ARHGAP29: variants seen among roughly 807,000 people sequenced by gnomAD.
ARHGAP29 encodes the protein rho GTPase-activating protein 29.
A neutral mutation model predicts 122.6 loss-of-function variants in ARHGAP29; 43 were observed. That is an observed-to-expected ratio of 0.35 (90% CI 0.27 to 0.45). ARHGAP29 has a LOEUF of 0.45. Among genes scored for constraint, ARHGAP29 ranks in the 20% least tolerant of loss-of-function variants. The pLI is 1.00. For synonymous variants in ARHGAP29, 506 were observed against 497.1 expected, an observed-to-expected ratio of 1.02 and a Z score of -0.24; for missense variants, 1,303 against 1,477.2, an observed-to-expected ratio of 0.88 and a Z score of 1.93.
chr1:94,249,577 C>T (rs1653998654), intron 1 of ARHGAP29: 1 of 152,066 alleles, frequency 6.6e-6, no homozygotes, highest in South Asian at 2.1e-4. Context: ...ATGGAGAAAC[C>T]CCATCTCTAG....
the ARHGAP29 span, among the ~76,000 whole-genome samples, chr1:94,306,883 C>T: frequency 2.0e-5 from 3 of 152,158 alleles, no homozygotes; most frequent in Non-Finnish European, 4.4e-5. Flanking sequence ...TATATACACA[C>T]AAGATAAATT....
the ARHGAP29 span, among the ~76,000 whole-genome samples, chr1:94,304,665 C>G: frequency 1.3e-5 from 2 of 152,234 alleles, no homozygotes; most frequent in Non-Finnish European, 2.9e-5. Context: ...AAATTTCCCT[C>G]AATGCCAGGT....
chr1:94,300,217 A>G, the ARHGAP29 span, among the ~76,000 whole-genome samples: 3 of 152,054 alleles, frequency 2.0e-5, no homozygotes, highest in Non-Finnish European at 2.9e-5. Flanking sequence ...TTCCTTAACT[A>G]TTTCTTGAAT....
Position 94,202,706 on chromosome 1 carries a change from C to G in ARHGAP29, c.981G>C (p.Lys327Asn). Residue 327 changes from lysine (K) to asparagine (N), a missense_variant, in exon 11 of 23, where the codon AAG becomes AAC. By Grantham distance (94) the Lys-to-Asn change is moderately conservative. This residue lies in a region of ARHGAP29 where 592 missense variants were observed against 648.2 expected (regional missense o/e 0.91). Transcript: ENST00000260526. ...KMLEAENALK[K>N]AKLLCMQRQD... ...GACGTTGCATGCATAATAATTTTGC[C>G]TTTTTGAGAGCATTCTCTGCTTCAA... 1 of 1,613,674 alleles carries G rather than the reference C, an allele frequency of 6.2e-7. No homozygotes were observed. Among genetic ancestry groups the G allele is most frequent in the Non-Finnish European group, 8.5e-7 (1 of 1,179,976 alleles).
chr1:94,264,089 C>T (rs1044986304), intron 1 of ARHGAP29, among the ~76,000 whole-genome samples: 6 of 152,142 alleles, frequency 3.9e-5, no homozygotes, highest in East Asian at 1.9e-4. Flanking sequence ...TATAACTCTT[C>T]GTACGTAATG....
chr1:94,198,226 A>T (rs1650593822), intron 12 of ARHGAP29, among the ~76,000 whole-genome samples: 1 of 152,170 alleles, frequency 6.6e-6, no homozygotes, highest in African/African-American at 2.4e-5. Flanking sequence ...CTGTAATCTC[A>T]GCACTCTGGG....
intron 12 of ARHGAP29, among the ~76,000 whole-genome samples, chr1:94,196,779 A>G (rs936303507): frequency 2.6e-5 from 4 of 152,214 alleles, no homozygotes; most frequent in Non-Finnish European, 5.9e-5. Context: ...AGACTTCTAC[A>G]TTATCCACAG....
intron 1 of ARHGAP29, among the ~76,000 whole-genome samples, chr1:94,273,585 T>C (rs1159878616): frequency 6.6e-6 from 1 of 152,186 alleles, no homozygotes; most frequent in Non-Finnish European, 1.5e-5. Flanking sequence ...TGAAATAATA[T>C]GTAAGATAGA....
chr1:94,183,837 A>T (rs1415949127), intron 19 of ARHGAP29, among the ~76,000 whole-genome samples: 3 of 152,308 alleles, frequency 2.0e-5, no homozygotes, highest in Non-Finnish European at 4.4e-5. Flanking sequence ...GAGAAGAGAG[A>T]GAGTTATGAT....
chr1:94,286,113 G>A, the ARHGAP29 span, among the ~76,000 whole-genome samples: 5 of 152,146 alleles, frequency 3.3e-5, no homozygotes, highest in African/African-American at 1.2e-4. Context: ...TTACATTAGA[G>A]TGCCAGCATG....
At chr1:94,175,417 A>G (rs1649028498) in intron 22 of ARHGAP29, among the ~76,000 whole-genome samples, 1 of 152,160 alleles carries the variant, frequency 6.6e-6, no homozygotes, top group South Asian at 2.1e-4. Context: ...AAAAATTCCA[A>G]TTCCAGGAAT....
chr1:94,308,796 G>A, the ARHGAP29 span, among the ~76,000 whole-genome samples: 1 of 152,146 alleles, frequency 6.6e-6, no homozygotes, highest in Non-Finnish European at 1.5e-5. Flanking sequence ...GCATTTATGT[G>A]TATGTAACCC....
intron 16 of ARHGAP29, 135 bp from the exon 17 acceptor site, chr1:94,185,616 T>A: frequency 1.3e-6 from 1 of 742,950 alleles, no homozygotes; most frequent in Non-Finnish European, 1.9e-6. Context: ...AATATCAAAA[T>A]AGCTAGTTAG....
chr1:94,176,453 ATTAC>A (rs879319689), intron 22 of ARHGAP29, among the ~76,000 whole-genome samples: 11 of 152,228 alleles, frequency 7.2e-5, no homozygotes, highest in African/African-American at 1.2e-4. Flanking sequence ...AACCTTTGGC[ATTAC>A]TTAGTCTCTT....
At chr1:94,275,444 T>G (rs964410316), upstream of ARHGAP29, among the ~76,000 whole-genome samples, 2 of 152,224 alleles carry the variant, frequency 1.3e-5, no homozygotes, top group Non-Finnish European at 2.9e-5. Flanking sequence ...TGTTGAAGAA[T>G]GGTCAGGAGT....
At chr1:94,208,147 T>C (rs187106754) in intron 5 of ARHGAP29, among the ~76,000 whole-genome samples, 1 of 152,218 alleles carries the variant, frequency 6.6e-6, no homozygotes, top group East Asian at 1.9e-4. Context: ...TAATTTTTTG[T>C]AGGAACAGGG....
chr1:94,182,214 T>C (rs898467126), intron 19 of ARHGAP29, among the ~76,000 whole-genome samples: 17 of 151,312 alleles, frequency 1.1e-4, no homozygotes, highest in Non-Finnish European at 1.9e-4. Flanking sequence ...AGGAATGAAA[T>C]AGTTAATAGC....
Position 94,237,472 on chromosome 1 carries a change from G to A in ARHGAP29, c.-90C>T. On this transcript the variant is annotated 5_prime_UTR_variant, in exon 1 of 23. Transcript: ENST00000260526. ...CGCCCGCCCCACACCTACGGCCGCC[G>A]CCACCGCCGAGGGCTGGAGCTCGCT... The A allele has an allele frequency of 2.0e-6, 2 of 988,016 alleles. No homozygotes were observed. The highest frequency in any genetic ancestry group is 1.2e-6 in the Non-Finnish European group (1 of 831,540). The allele number at this position is 988,016 out of a possible 1,614,324, so 61.2% of individuals were successfully genotyped here. A position where few individuals can be genotyped will look rare whatever the true frequency, so the allele number is the denominator to read the frequency against.
At chr1:94,245,382 A>G (rs1440488052) in intron 1 of ARHGAP29, among the ~76,000 whole-genome samples, 1 of 152,234 alleles carries the variant, frequency 6.6e-6, no homozygotes, top group African/African-American at 2.4e-5. Context: ...ACGATGGAAT[A>G]CTATTTAACA....
Sources: allele counts gnomAD v4.1 joint callset (sites outside exome capture counted in the v4.1 genomes callset), GRCh38; gene constraint gnomAD v4.1.1; regional missense constraint gnomAD v4.1.1; transcripts MANE v1.5; gene names NCBI Gene and HGNC (gene_info 2026-07-23, HGNC 2026-07-21).